The following TK1 variants were observed in gnomAD, a reference collection of about 807,000 sequenced individuals.
The protein encoded by TK1 is thymidine kinase 1, also known as thymidine kinase, cytosolic.
Under a neutral mutation model 22.4 loss-of-function variants are expected in TK1, and 13 were observed. That is an observed-to-expected ratio of 0.58 (90% CI 0.38 to 0.92). TK1 has a LOEUF of 0.92. Ranked by LOEUF, TK1 falls within the 40% of genes least tolerant of loss-of-function variation. The pLI is 0.00. For missense variants in TK1, 251 were observed against 315.7 expected, an observed-to-expected ratio of 0.80 and a Z score of 1.55; for synonymous variants, 134 against 125.4, an observed-to-expected ratio of 1.07 and a Z score of -0.46.
rs1181682298 is a variant in TK1 at position 78,175,568 on chromosome 17, G to A, written c.354C>T (p.Thr118=). 12 of 1,613,606 alleles carry A rather than the reference G, an allele frequency of 7.4e-6. No individual in the cohort carries two copies. The highest frequency in any genetic ancestry group is 2.2e-5 in the East Asian group (1 of 44,876). ...TCCCATCCAGTGCAGCCACAATTAC[G>A]GTCTTCCCGGCGTTGGCCATGGCCT... ...FCEAMANAGK[T]VIVAALDGTF... is the part of the protein sequence containing the mutation. Residue 118 remains threonine (T), a synonymous_variant, in exon 5 of 7, where the codon ACC becomes ACT. Coordinates refer to ENST00000301634, the MANE Select transcript of TK1 (RefSeq NM_003258.5).
chr17:78,175,656 C>G (rs2075693768), intron 4 of TK1, 38 bp from the exon 5 acceptor site: 1 of 1,582,038 alleles, frequency 6.3e-7, no homozygotes, highest in Admixed American at 1.7e-5. Context: ...TGAGAGCTTC[C>G]ACCCCAGCAG....
In TK1 at chr17:78,184,971, C is replaced by T. The variant is rs2075770528; in HGVS notation, c.209+84G>A. On this transcript the variant is annotated intron_variant, in intron 3 of 6. Coordinates refer to ENST00000301634, the MANE Select transcript of TK1 (RefSeq NM_003258.5). Reference sequence around the variant, plus strand: ...ATCATTCAATGTTCAAATGATTAACCATCCCCATTAAAGAGAGTCCTAACA... The same window carrying T: ...ATCATTCAATGTTCAAATGATTAACTATCCCCATTAAAGAGAGTCCTAACA... The T allele has an allele frequency of 3.9e-6, 4 of 1,026,882 alleles. No individual in the cohort carries two copies. The East Asian group carries it at 7.4e-5, about 19-fold the overall frequency. The allele number at this position is 1,026,882 out of a possible 1,614,324, so 63.6% of individuals were successfully genotyped here. A position where few individuals can be genotyped will look rare whatever the true frequency, so the allele number is the denominator to read the frequency against.
At chr17:78,183,387 A>G (rs549432503) in intron 3 of TK1, among the ~76,000 whole-genome samples, 1 of 152,318 alleles carries the variant, frequency 6.6e-6, no homozygotes, top group African/African-American at 2.4e-5. Flanking sequence ...ATTATGTTGC[A>G]AAACATAAAT....
chr17:78,179,356 G>C (rs969340958), intron 4 of TK1: 1 of 985,378 alleles, frequency 1.0e-6, no homozygotes, highest in South Asian at 4.7e-5. Context: ...CCTCAAGCAC[G>C]GGGCAGCAAC....
intron 3 of TK1, among the ~76,000 whole-genome samples, chr17:78,184,828 C>T (rs576735233): frequency 6.6e-6 from 1 of 152,280 alleles, no homozygotes; most frequent in Admixed American, 6.5e-5. Context: ...TGTCTTCAAA[C>T]ATTGTCAAAT....
chr17:78,176,593 C>T (rs544192943), intron 4 of TK1, among the ~76,000 whole-genome samples: 2 of 152,216 alleles, frequency 1.3e-5, no homozygotes, highest in Admixed American at 6.5e-5. Flanking sequence ...CCCAGAGACT[C>T]CAGCACGCCA....
chr17:78,179,058 T>G, intron 4 of TK1: 1 of 649,432 alleles, frequency 1.5e-6, no homozygotes, highest in Non-Finnish European at 1.9e-6. Flanking sequence ...CTCAGGGCAT[T>G]TGGATGTCGA....
intron 4 of TK1, chr17:78,179,715 G>A (rs767241137): frequency 2.0e-6 from 2 of 985,316 alleles, no homozygotes; most frequent in Non-Finnish European, 2.4e-6. Flanking sequence ...AGGCAGGGCG[G>A]GTAGAGACCT....
At chr17:78,180,572 G>A (rs991744997) in intron 4 of TK1, among the ~76,000 whole-genome samples, 4 of 152,142 alleles carry the variant, frequency 2.6e-5, no homozygotes, top group African/African-American at 9.7e-5. Flanking sequence ...AAAAGTCTAA[G>A]AAAAGATTTT....
chr17:78,174,865 G>T lies in TK1; in HGVS notation c.599C>A (p.Pro200Gln). 2 of 1,613,784 alleles carry T rather than the reference G, an allele frequency of 1.2e-6. No individual in the cohort carries two copies. The highest frequency in any genetic ancestry group is 1.7e-6 in the Non-Finnish European group (2 of 1,179,804). The change falls in exon 7 of 7, where the codon CCG becomes CAG. Residue 200 changes from proline to glutamine, a missense_variant. Pro to Gln is a moderately conservative substitution (Grantham distance 76). Transcript: ENST00000301634. ...FKKASGQPAG[P>Q]DNKENCPVPG... ...CACTGGGCAGTTCTCTTTGTTGTCC[G>T]GCCCGGCAGGCTGGCCTGAGGCCTT...
intron 3 of TK1, among the ~76,000 whole-genome samples, chr17:78,184,016 A>G (rs548080673): frequency 1.3e-5 from 2 of 152,348 alleles, no homozygotes; most frequent in Admixed American, 1.3e-4. Context: ...CAGAAGTTGT[A>G]CTTCCAACAG....
At chr17:78,185,319 A>G (rs2075774470) in intron 2 of TK1, among the ~76,000 whole-genome samples, 154 bp from the exon 3 acceptor site, 1 of 151,890 alleles carries the variant, frequency 6.6e-6, no homozygotes, top group Non-Finnish European at 1.5e-5. Flanking sequence ...GGCAGGGTAT[A>G]ATATCCCTAC....
intron 6 of TK1, 31 bp downstream of exon 6, chr17:78,175,019 G>A (rs760952720): frequency 2.7e-5 from 43 of 1,611,116 alleles, no homozygotes; most frequent in East Asian, 1.1e-4. Context: ...CCCCCACCCC[G>A]CCGGCCTGCA....
chr17:78,178,096 C>G (rs920794789), intron 4 of TK1, among the ~76,000 whole-genome samples: 2 of 152,166 alleles, frequency 1.3e-5, no homozygotes, highest in Non-Finnish European at 2.9e-5. Flanking sequence ...GTCTCAAACT[C>G]CTGACCTCAA....
At chr17:78,175,322 C>A (rs1407970369) in intron 5 of TK1, among the ~76,000 whole-genome samples, 153 bp from the exon 6 acceptor site, 1 of 150,716 alleles carries the variant, frequency 6.6e-6, no homozygotes, top group Non-Finnish European at 1.5e-5. Flanking sequence ...CGGCTCTGTC[C>A]CTTTGCCAAT....
rs1418143147 is a variant in TK1 at position 78,175,556 on chromosome 17, A to G, written c.366T>C (p.Ala122=). ...MANAGKTVIV[A]ALDGTFQRKP... ...TCCTCTGGAAGGTCCCATCCAGTGC[A>G]GCCACAATTACGGTCTTCCCGGCGT... The change falls in exon 5 of 7, where the codon GCT becomes GCC. Residue 122 remains alanine (A), a synonymous_variant. Transcript: ENST00000301634. The G allele has an allele frequency of 2.5e-6, 4 of 1,613,696 alleles. No homozygotes were observed. The African/African-American group carries it at 5.3e-5, about 22-fold the overall frequency.
chr17:78,174,894 G>T lies in TK1; in HGVS notation c.570C>A (p.Phe190Leu), dbSNP rs760709896. 5.0e-6 allele frequency: 8 copies of T among 1,613,946 alleles called. No homozygotes were observed. The highest frequency in any genetic ancestry group is 5.1e-6 in the Non-Finnish European group (6 of 1,179,884). ...KYHSVCRLCY[F>L]KKASGQPAGP... ...CGGCAGGCTGGCCTGAGGCCTTCTT[G>T]AAGTAGCAGAGCCGACACACGGAGT... The change falls in exon 7 of 7, where the codon TTC (phenylalanine) becomes TTA (leucine). Residue 190 changes from phenylalanine (F) to leucine (L), a missense_variant. Coordinates refer to ENST00000301634, the MANE Select transcript of TK1 (RefSeq NM_003258.5).
chr17:78,178,778 G>A (rs1319995784), intron 4 of TK1, among the ~76,000 whole-genome samples: 1 of 152,180 alleles, frequency 6.6e-6, no homozygotes, highest in East Asian at 1.9e-4. Flanking sequence ...CCAAGTAGCT[G>A]GGATTACAGG....
chr17:78,176,123 G>A (rs535789520), intron 4 of TK1, among the ~76,000 whole-genome samples: 13 of 152,134 alleles, frequency 8.5e-5, no homozygotes, highest in Non-Finnish European at 1.6e-4. Context: ...TGCCTCCCCC[G>A]TTTTAAACGG....
Sources: allele counts gnomAD v4.1 joint callset (sites outside exome capture counted in the v4.1 genomes callset), GRCh38; gene constraint gnomAD v4.1.1; transcripts MANE v1.5; gene names NCBI Gene and HGNC (gene_info 2026-07-23, HGNC 2026-07-21).